CDH12: variants seen among roughly 807,000 people sequenced by gnomAD.
The protein encoded by CDH12 is cadherin-12.
In CDH12, 41 loss-of-function variants were observed where a neutral mutation model predicts 74.1. That is an observed-to-expected ratio of 0.55 (90% CI 0.43 to 0.72). The LOEUF is 0.72. CDH12 is among the 30% of genes least tolerant of loss of function. CDH12 has a pLI of 0.00. For synonymous variants in CDH12, 399 were observed against 355.0 expected, an observed-to-expected ratio of 1.12 and a Z score of -1.39; for missense variants, 945 against 977.2, an observed-to-expected ratio of 0.97 and a Z score of 0.44.
intron 3 of CDH12, among the ~76,000 whole-genome samples, chr5:22,394,537 C>G (rs1009224136): frequency 6.6e-6 from 1 of 151,748 alleles, no homozygotes; most frequent in Admixed American, 6.6e-5. Context: ...GAATCTCATG[C>G]CCACAGGAGT....
chr5:21,822,394 A>G (rs1001736165), intron 8 of CDH12, among the ~76,000 whole-genome samples: 2 of 152,042 alleles, frequency 1.3e-5, no homozygotes, highest in Admixed American at 1.3e-4. Context: ...TAATTAAAAT[A>G]TTTTCCCATA....
chr5:22,721,592 G>A (rs1561602421), intron 1 of CDH12, among the ~76,000 whole-genome samples: 1 of 152,190 alleles, frequency 6.6e-6, no homozygotes, highest in Admixed American at 6.5e-5. Context: ...TTGGAGGACT[G>A]TTGAGAAGGC....
intron 1 of CDH12, among the ~76,000 whole-genome samples, chr5:22,581,030 T>C (rs1740069782): frequency 6.6e-6 from 1 of 152,088 alleles, no homozygotes. Context: ...CTTTAGAAAA[T>C]TTGCAGTGAT....
At chr5:22,270,533 T>TG (rs1191572058) in intron 3 of CDH12, among the ~76,000 whole-genome samples, 1 of 151,036 alleles carries the variant, frequency 6.6e-6, no homozygotes, top group Non-Finnish European at 1.5e-5. Context: ...AGGCAGAGGT[T>TG]GCAGTGAGCT....
intron 3 of CDH12, among the ~76,000 whole-genome samples, chr5:22,291,060 C>T (rs180737902): frequency 9.9e-5 from 15 of 152,068 alleles, no homozygotes; most frequent in Admixed American, 2.0e-4. Flanking sequence ...GAGGATGATT[C>T]GGCATACATA....
At chr5:22,153,183 C>CTTTTTTTTTTTTTCTT (rs1747723870) in intron 4 of CDH12, among the ~76,000 whole-genome samples, 1 of 138,492 alleles carries the variant, frequency 7.2e-6, no homozygotes, top group Non-Finnish European at 1.5e-5. Flanking sequence ...TTTTTCTTTT[C>CTTTTTTTTTTTTTCTT]TTTTTTTTTT....
intron 1 of CDH12, among the ~76,000 whole-genome samples, chr5:22,659,290 G>C (rs957777350): frequency 2.6e-5 from 4 of 152,104 alleles, no homozygotes; most frequent in African/African-American, 9.7e-5. Context: ...CTGCTGCTTA[G>C]AGAAATTACC....
intron 6 of CDH12, among the ~76,000 whole-genome samples, chr5:21,872,069 A>G (rs1298605925): frequency 6.6e-6 from 1 of 152,182 alleles, no homozygotes; most frequent in African/African-American, 2.4e-5. Context: ...TGTCATAAAA[A>G]TCCCCCAGAG....
chr5:22,695,984 T>C (rs1046668206), intron 1 of CDH12, among the ~76,000 whole-genome samples: 9 of 152,192 alleles, frequency 5.9e-5, no homozygotes. Flanking sequence ...ACTGGTTCTT[T>C]TCAGTTGAGT....
intron 10 of CDH12, among the ~76,000 whole-genome samples, chr5:21,784,168 C>T (rs1746073190): frequency 6.6e-6 from 1 of 151,466 alleles, no homozygotes; most frequent in African/African-American, 2.4e-5. Flanking sequence ...TGGATGTTGC[C>T]CTACGTGAAG....
At chr5:22,406,375 T>G (rs1446453728) in intron 2 of CDH12, among the ~76,000 whole-genome samples, 3 of 152,128 alleles carry the variant, frequency 2.0e-5, no homozygotes, top group African/African-American at 7.2e-5. Flanking sequence ...TTGCAGTCAT[T>G]GACATGATAA....
chr5:21,855,639 T>C (rs916654497), intron 6 of CDH12, among the ~76,000 whole-genome samples: 7 of 151,630 alleles, frequency 4.6e-5, no homozygotes, highest in African/African-American at 1.7e-4. Context: ...TATGTATGTG[T>C]ATATATGTAT....
rs190911603 is a variant in CDH12, at chr5:22,730,288, T to C, written c.-523+122770A>G. 2.2e-3 allele frequency among the ~76,000 whole-genome samples: 331 copies of C among 151,960 alleles called. 2 individuals carry two copies. The highest frequency in any genetic ancestry group is 3.7e-3 in the Non-Finnish European group (250 of 67,872). The stretch of plus-strand genomic sequence containing the variant: ...CTTTTATGACATTCTGGAGTAGATA[T>C]TTAGAAAATAATTTAAGAGGATAAG... On this transcript the variant is annotated intron_variant, in intron 1 of 14. Coordinates refer to ENST00000382254, the MANE Select transcript of CDH12 (RefSeq NM_004061.5).
chr5:22,610,486 C>T (rs947142694), intron 1 of CDH12, among the ~76,000 whole-genome samples: 1 of 152,034 alleles, frequency 6.6e-6, no homozygotes, highest in East Asian at 1.9e-4. Context: ...TTTTATATTA[C>T]TTCCATACTT....
At chr5:22,645,814 C>T (rs1339265809) in intron 1 of CDH12, among the ~76,000 whole-genome samples, 1 of 151,900 alleles carries the variant, frequency 6.6e-6, no homozygotes, top group African/African-American at 2.4e-5. Context: ...CCTCTACCAA[C>T]AAAAAGATCA....
intron 1 of CDH12, among the ~76,000 whole-genome samples, chr5:22,822,362 A>C (rs1345193685): frequency 3.3e-5 from 5 of 152,160 alleles, no homozygotes; most frequent in Non-Finnish European, 5.9e-5. Flanking sequence ...CAATGGCAAC[A>C]AAAGCCAAAA....
intron 5 of CDH12, among the ~76,000 whole-genome samples, chr5:21,977,264 C>A (rs544124037): frequency 6.6e-6 from 1 of 151,644 alleles, no homozygotes; most frequent in Admixed American, 6.6e-5. Flanking sequence ...TTTTTGTCCA[C>A]CTATTAAAAA....
At chr5:22,675,750 G>T (rs564341731) in intron 1 of CDH12, among the ~76,000 whole-genome samples, 1 of 151,756 alleles carries the variant, frequency 6.6e-6, no homozygotes, top group East Asian at 1.9e-4. Flanking sequence ...GAACTCTTAA[G>T]TCCATTAAAC....
chr5:22,791,336 G>A (rs542712913), intron 1 of CDH12, among the ~76,000 whole-genome samples: 4 of 152,152 alleles, frequency 2.6e-5, no homozygotes, highest in South Asian at 4.1e-4. Flanking sequence ...CTAAGTTTTC[G>A]CAGATATAAA....
Sources: gnomAD v4.1 joint callset for allele counts (sites outside exome capture counted in the v4.1 genomes callset) on GRCh38, gnomAD v4.1.1 for gene constraint, MANE v1.5 for transcripts, NCBI Gene and HGNC (gene_info 2026-07-23, HGNC 2026-07-21) for gene names.